Variants in PTPRE observed in about 807,000 individuals in gnomAD.
The protein encoded by PTPRE is receptor-type tyrosine-protein phosphatase epsilon.
Under a neutral mutation model 102.0 loss-of-function variants are expected in PTPRE, and 51 were observed. The observed-to-expected ratio is 0.50, with a 90% CI of 0.40 to 0.63. The LOEUF (loss-of-function observed/expected upper bound fraction) is 0.63. PTPRE is among the 30% of genes least tolerant of loss of function. The pLI, the probability that PTPRE is intolerant of heterozygous loss-of-function variation, is 0.00. For missense variants in PTPRE, 752 were observed against 915.1 expected (o/e 0.82, Z 2.30); for synonymous variants, 345 against 348.2 (o/e 0.99, Z 0.10).
chr10:128,032,208 G>A (rs1846817713), intron 2 of PTPRE, among the ~76,000 whole-genome samples: 1 of 152,080 alleles, frequency 6.6e-6, no homozygotes, highest in African/African-American at 2.4e-5. Context: ...TAGAGATGGG[G>A]TTATACCATA....
intron 1 of PTPRE, among the ~76,000 whole-genome samples, chr10:127,958,178 A>G (rs1225752333): frequency 6.6e-6 from 1 of 152,100 alleles, no homozygotes; most frequent in Non-Finnish European, 1.5e-5. Context: ...TAACCTGTAT[A>G]TCTTTTATTT....
chr10:128,001,197 A>AGTGTGT (rs147227714), intron 2 of PTPRE, among the ~76,000 whole-genome samples: 1 of 151,256 alleles, frequency 6.6e-6, no homozygotes, highest in Non-Finnish European at 1.5e-5. Context: ...GAGAGATCTG[A>AGTGTGT]GTGTGTGTGT....
At chr10:127,934,965 A>G (rs1458184345) in intron 1 of PTPRE, 1 of 152,286 alleles carries the variant, frequency 6.6e-6, no homozygotes, top group Non-Finnish European at 1.5e-5. Flanking sequence ...GGCCCCCGCT[A>G]TGAGCATAGC....
At chr10:128,072,106 T>C (rs1850823410) in intron 15 of PTPRE, 32 bp from the exon 16 acceptor site, 3 of 1,595,366 alleles carry the variant, frequency 1.9e-6, no homozygotes, top group Non-Finnish European at 2.6e-6. Flanking sequence ...GGACCCTTTT[T>C]GTAATAACTA....
chr10:127,930,361 A>G (rs2135231857), intron 1 of PTPRE, among the ~76,000 whole-genome samples: 1 of 152,266 alleles, frequency 6.6e-6, no homozygotes, highest in African/African-American at 2.4e-5. Flanking sequence ...GAAATGTAAT[A>G]TATGTGGAAT....
At chr10:127,927,306 A>G (rs923186455) in intron 1 of PTPRE, among the ~76,000 whole-genome samples, 1 of 152,184 alleles carries the variant, frequency 6.6e-6, no homozygotes, top group African/African-American at 2.4e-5. Context: ...ACACAAAACT[A>G]TCATTGGCTG....
chr10:128,048,749 C>G (rs892079186), intron 5 of PTPRE, among the ~76,000 whole-genome samples: 1 of 152,182 alleles, frequency 6.6e-6, no homozygotes, highest in Admixed American at 6.5e-5. Context: ...CAGCATCACT[C>G]ATTCTGATCC....
At chr10:127,976,253 C>T (rs936067768) in intron 1 of PTPRE, among the ~76,000 whole-genome samples, 3 of 152,188 alleles carry the variant, frequency 2.0e-5, no homozygotes, top group African/African-American at 7.2e-5. Context: ...GGCACCCCTA[C>T]ACCTCGGAAG....
chr10:127,962,900 C>A (rs1356846701), intron 1 of PTPRE, among the ~76,000 whole-genome samples: 6 of 152,196 alleles, frequency 3.9e-5, no homozygotes, highest in Non-Finnish European at 5.9e-5. Context: ...GATCTTGCAT[C>A]CCAGGAACCA....
Position 128,076,658 on chromosome 10 carries a change from C to G in PTPRE, c.1655C>G (p.Thr552Arg), listed in dbSNP as rs146299002. The G allele has an allele frequency of 6.2e-7, 1 of 1,611,510 alleles. No individual in the cohort carries two copies. Among genetic ancestry groups the G allele is most frequent in the African/African-American group, 1.3e-5 (1 of 74,850 alleles). The stretch of plus-strand genomic sequence containing the variant: ...GGCTCAGTTACTCATGGAGAAATAA[C>G]GATTGAGATAAAGAATGATACCCTT... ...TEGSVTHGEITIEIKNDTLSE... is the reference protein window; with the variant it reads ...TEGSVTHGEIRIEIKNDTLSE... The change falls in exon 18 of 21, where the codon ACG (threonine) becomes AGG (arginine). Residue 552 changes from threonine (T) to arginine (R), a missense_variant. Physicochemically the swap from Thr to Arg is moderately conservative, Grantham distance 71. This residue lies in a region of PTPRE where 636 missense variants were observed against 824.4 expected (regional missense o/e 0.77). Transcript: ENST00000254667.
chr10:128,062,548 C>T (rs970021147), intron 9 of PTPRE, among the ~76,000 whole-genome samples: 1 of 152,202 alleles, frequency 6.6e-6, no homozygotes, highest in African/African-American at 2.4e-5. Context: ...CAGCACGTAG[C>T]ACTTAGCTCG....
At chr10:128,081,653 G>T (rs1309376871) in intron 20 of PTPRE, among the ~76,000 whole-genome samples, 1 of 152,226 alleles carries the variant, frequency 6.6e-6, no homozygotes, top group East Asian at 1.9e-4. Context: ...TATTTATTGA[G>T]AATTCCTTCT....
intron 2 of PTPRE, among the ~76,000 whole-genome samples, chr10:127,992,812 A>G (rs1380412850): frequency 6.6e-6 from 1 of 152,256 alleles, no homozygotes; most frequent in African/African-American, 2.4e-5. Context: ...ATACCTCTTC[A>G]GAAACTCAAA....
At chr10:128,037,140 A>G (rs115621128) in intron 2 of PTPRE, among the ~76,000 whole-genome samples, 134 of 152,320 alleles carry the variant, frequency 8.8e-4, no homozygotes, top group African/African-American at 3.1e-3. Flanking sequence ...GTAGATTGTT[A>G]ATGGAAAATG....
intron 17 of PTPRE, 101 bp from the exon 18 acceptor site, chr10:128,076,502 A>G: frequency 8.0e-7 from 1 of 1,254,384 alleles, no homozygotes; most frequent in Non-Finnish European, 1.1e-6. Flanking sequence ...GGTCAGATGA[A>G]ATACATTAAC....
At chr10:127,967,926 A>G (rs1850381202) in intron 1 of PTPRE, among the ~76,000 whole-genome samples, 1 of 152,112 alleles carries the variant, frequency 6.6e-6, no homozygotes, top group Non-Finnish European at 1.5e-5. Context: ...TGTTTATTGA[A>G]TACCTACTAT....
At chr10:127,955,031 G>C (rs568016391) in intron 1 of PTPRE, among the ~76,000 whole-genome samples, 5 of 151,782 alleles carry the variant, frequency 3.3e-5, no homozygotes, top group Admixed American at 6.6e-5. Context: ...TGTTGGCTGC[G>C]GTGACTGATC....
intron 2 of PTPRE, among the ~76,000 whole-genome samples, chr10:127,994,788 G>A (rs758417553): frequency 6.6e-6 from 1 of 152,162 alleles, no homozygotes; most frequent in African/African-American, 2.4e-5. Flanking sequence ...CTGCTGGAAC[G>A]TAAGGGAGAG....
chr10:128,070,551 C>T lies in PTPRE; in HGVS notation c.1293+101C>T. 7.0e-7 allele frequency: 1 copy of T among 1,423,850 alleles called. No homozygotes were observed. The highest frequency in any genetic ancestry group is 9.4e-7 in the Non-Finnish European group (1 of 1,063,870). 88.2% of individuals were successfully genotyped at this position (1,423,850 alleles called of 1,614,324 possible). The stretch of plus-strand genomic sequence containing the variant: ...GGAAGCCTCTTTCAATCACTTGCCC[C>T]TTAACTGACCTCAGAAAAAGCAGGG... On this transcript the variant is annotated intron_variant, in intron 14 of 20. Coordinates refer to ENST00000254667, the MANE Select transcript of PTPRE (RefSeq NM_006504.6). This position sits in a 1 kb window ranked among gnomAD's most constrained non-coding sequence, Gnocchi z 4.8.
Sources: gnomAD v4.1 joint callset for allele counts (sites outside exome capture counted in the v4.1 genomes callset) on GRCh38, gnomAD v4.1.1 for gene constraint, gnomAD v4.1.1 regional missense constraint, Gnocchi (gnomAD v3.1) non-coding constraint, MANE v1.5 for transcripts, NCBI Gene and HGNC (gene_info 2026-07-23, HGNC 2026-07-21) for gene names.